Variants in EDNRB observed in about 807,000 individuals in gnomAD.
EDNRB encodes Hirschsprung disease 2.
A neutral mutation model predicts 46.4 loss-of-function variants in EDNRB; 18 were observed. The observed-to-expected ratio is 0.39, with a 90% confidence interval of 0.27 to 0.57. EDNRB has a LOEUF of 0.57. EDNRB is among the 20% of genes least tolerant of loss of function. The probability of loss-of-function intolerance (pLI) is 0.61; values close to 1 mark genes in which losing one functional copy is unlikely to be tolerated. For missense variants in EDNRB, 434 were observed against 537.5 expected, an observed-to-expected ratio of 0.81 and a Z score of 1.90; for synonymous variants, 213 against 204.9, an observed-to-expected ratio of 1.04 and a Z score of -0.34.
At chr13:77,941,061 G>T (rs370474517) in intron 1 of EDNRB, among the ~76,000 whole-genome samples, 2 of 152,172 alleles carry the variant, frequency 1.3e-5, no homozygotes, top group African/African-American at 2.4e-5. Context: ...TGTGATATCT[G>T]GTTGAAACCT....
Position 77,972,231 on chromosome 13 carries a change from C to T in EDNRB, c.-52+3116G>A, listed in dbSNP as rs139518371. Among the ~76,000 whole-genome samples the T allele has an allele frequency of 8.4e-3, 1,273 of 152,238 alleles. 14 individuals are homozygous for T. The highest frequency in any genetic ancestry group is 0.029 in the African/African-American group (1,194 of 41,534). On this transcript the variant is annotated intron_variant, in intron 1 of 7. Transcript: ENST00000646948. ...AGCCTACGCCTGGTCAACTGGAGGA[C>T]CACCTTAATAGAAAGGGGAAAATCT... is the stretch of plus-strand genomic sequence containing the variant.
At chr13:77,907,838 T>C (rs1318410675) in intron 1 of EDNRB, among the ~76,000 whole-genome samples, 2 of 151,708 alleles carry the variant, frequency 1.3e-5, no homozygotes, top group Non-Finnish European at 2.9e-5. Flanking sequence ...ATTGGATTAT[T>C]GCTCTTCATA....
upstream of EDNRB, chr13:77,918,844 C>G: frequency 7.7e-6 from 10 of 1,296,862 alleles, no homozygotes; most frequent in Non-Finnish European, 9.7e-6. This position sits in a 1 kb window ranked among gnomAD's most constrained non-coding sequence, Gnocchi z 4.5. Flanking sequence ...CCCGCGTGGC[C>G]AGGAGGGGTA....
intron 1 of EDNRB, among the ~76,000 whole-genome samples, chr13:77,933,178 C>G (rs1384786160): frequency 6.6e-6 from 1 of 152,208 alleles, no homozygotes; most frequent in Non-Finnish European, 1.5e-5. Flanking sequence ...ATAGGTTACA[C>G]TTCAAAATTT....
chr13:77,903,411 T>C (rs1268994121), intron 2 of EDNRB, 51 bp from the exon 3 acceptor site: 2 of 1,611,198 alleles, frequency 1.2e-6, no homozygotes, highest in Admixed American at 3.3e-5. Flanking sequence ...TTAGTTTTAT[T>C]GAATTGCACA....
Position 77,898,291 on chromosome 13 carries a change from G to A in EDNRB, c.1238C>T (p.Ser413Phe), listed in dbSNP as rs1319801057. 6.2e-7 allele frequency: 1 copy of A among 1,611,962 alleles called. No individual in the cohort carries two copies. The highest frequency in any genetic ancestry group is 1.3e-5 in the African/African-American group (1 of 74,750). The change falls in exon 7 of 7, where the codon TCC (serine) becomes TTC (phenylalanine). Residue 413 changes from serine (S) to phenylalanine (F), a missense_variant. Ser to Phe is a radical substitution (Grantham distance 155, BLOSUM62 -2). Coordinates refer to ENST00000646607, the MANE Select transcript of EDNRB (RefSeq NM_001122659.3). The stretch of plus-strand genomic sequence containing the variant: ...TAAGCACGACTGCTTTTCCTCCAAG[G>A]ACTGTTTTTCTTCAAATGACTGGCA... ...CWCQSFEEKQ[S>F]LEEKQSCLKF...
intron 3 of EDNRB, among the ~76,000 whole-genome samples, chr13:77,902,197 T>A (rs554004108): frequency 6.6e-6 from 1 of 152,042 alleles, no homozygotes; most frequent in African/African-American, 2.4e-5. Context: ...CATATCAGGG[T>A]GACTTCTATC....
intron 1 of EDNRB, among the ~76,000 whole-genome samples, chr13:77,959,864 C>A (rs1204668267): frequency 1.3e-5 from 2 of 152,170 alleles, no homozygotes; most frequent in Non-Finnish European, 2.9e-5. Flanking sequence ...GCACAAAAAA[C>A]CATGGCACAA....
At chr13:77,941,843 T>C (rs2137665420) in intron 1 of EDNRB, among the ~76,000 whole-genome samples, 1 of 152,334 alleles carries the variant, frequency 6.6e-6, no homozygotes, top group Non-Finnish European at 1.5e-5. Flanking sequence ...CTGAGTTATA[T>C]ACAGTACCAT....
upstream of EDNRB, chr13:77,919,652 G>T: frequency 1.3e-6 from 2 of 1,550,256 alleles, no homozygotes; most frequent in African/African-American, 1.4e-5. Context: ...GACTCCTCCC[G>T]CGCCTTCCGA....
chr13:77,940,995 T>G (rs1454017508), intron 1 of EDNRB, among the ~76,000 whole-genome samples: 1 of 152,210 alleles, frequency 6.6e-6, no homozygotes, highest in East Asian at 1.9e-4. Context: ...TTTGGAAAGC[T>G]ACAATGATTT....
chr13:77,945,396 G>A (rs1225106280), intron 1 of EDNRB, among the ~76,000 whole-genome samples: 1 of 152,132 alleles, frequency 6.6e-6, no homozygotes, highest in Non-Finnish European at 1.5e-5. Flanking sequence ...CCAATATTTT[G>A]TAAATGGCCT....
upstream of EDNRB, among the ~76,000 whole-genome samples, chr13:77,921,509 G>C (rs575886455): frequency 6.6e-6 from 1 of 152,306 alleles, no homozygotes; most frequent in South Asian, 2.1e-4. Flanking sequence ...AGGTCATGTG[G>C]CTAGTTAGTT....
chr13:77,919,489 A>G (rs1451648041), upstream of EDNRB: 2 of 1,612,626 alleles, frequency 1.2e-6, no homozygotes, highest in African/African-American at 2.7e-5. Context: ...GCTCTGGGAG[A>G]GGAGCACGCC....
intron 1 of EDNRB, among the ~76,000 whole-genome samples, chr13:77,949,131 T>C (rs1208688885): frequency 6.6e-6 from 1 of 152,142 alleles, no homozygotes; most frequent in African/African-American, 2.4e-5. Context: ...CAATATACAG[T>C]CTATGATATT....
intron 1 of EDNRB, among the ~76,000 whole-genome samples, chr13:77,949,199 C>T (rs770526685): frequency 3.3e-5 from 5 of 152,140 alleles, no homozygotes; most frequent in Non-Finnish European, 7.4e-5. Context: ...AGAAAATCTA[C>T]AACAAGGAGG....
chr13:77,915,725 CA>C (rs1334929475), intron 1 of EDNRB, among the ~76,000 whole-genome samples: 13 of 152,130 alleles, frequency 8.5e-5, no homozygotes, highest in Non-Finnish European at 1.8e-4. Flanking sequence ...CCTAAGGCCA[CA>C]AGGTAGGATT....
intron 1 of EDNRB, among the ~76,000 whole-genome samples, chr13:77,933,000 A>T (rs61963145): frequency 0.086 from 13,126 of 152,320 alleles, 762 homozygotes; most frequent in Non-Finnish European, 0.12. Context: ...AAGCATTAAA[A>T]TATGCAAATT....
chr13:77,928,377 T>C (rs996763155), intron 1 of EDNRB, among the ~76,000 whole-genome samples: 1 of 152,240 alleles, frequency 6.6e-6, no homozygotes, highest in African/African-American at 2.4e-5. Flanking sequence ...ACTTAGGAAA[T>C]ATTTCATTCC....
Sources: allele counts gnomAD v4.1 joint callset (sites outside exome capture counted in the v4.1 genomes callset), GRCh38; gene constraint gnomAD v4.1.1; non-coding constraint Gnocchi (gnomAD v3.1); transcripts MANE v1.5; gene names NCBI Gene and HGNC (gene_info 2026-07-23, HGNC 2026-07-21).